JAZF1: variants seen among roughly 807,000 people sequenced by gnomAD.
JAZF1 encodes the protein JAZF zinc finger 1.
Under a neutral mutation model 26.4 loss-of-function variants are expected in JAZF1, and 8 were observed. The ratio of observed to expected loss-of-function variants is 0.30; its 90% CI spans 0.18 to 0.55. The LOEUF (loss-of-function observed/expected upper bound fraction) is 0.55. Among genes scored for constraint, JAZF1 ranks in the 20% least tolerant of loss-of-function variants. The probability of loss-of-function intolerance (pLI) is 0.94; values close to 1 mark genes in which losing one functional copy is unlikely to be tolerated. For missense variants in JAZF1, 199 were observed against 322.0 expected (o/e 0.62, Z 2.92); for synonymous variants, 126 against 122.3 (o/e 1.03, Z -0.20).
intron 1 of JAZF1, among the ~76,000 whole-genome samples, chr7:28,064,553 C>G (rs913580059): frequency 6.6e-6 from 1 of 152,046 alleles, no homozygotes; most frequent in African/African-American, 2.4e-5. Context: ...AAACTAATAT[C>G]AATATAATGA....
At chr7:27,911,986 T>G (rs1165072175) in intron 2 of JAZF1, among the ~76,000 whole-genome samples, 1 of 152,238 alleles carries the variant, frequency 6.6e-6, no homozygotes, top group Non-Finnish European at 1.5e-5. Flanking sequence ...TACATTTATT[T>G]ATTTGAGTGT....
chr7:28,113,126 C>T (rs1480052171), intron 1 of JAZF1, among the ~76,000 whole-genome samples: 3 of 152,176 alleles, frequency 2.0e-5, no homozygotes, highest in African/African-American at 7.2e-5. Flanking sequence ...GTGCAACATC[C>T]AGGTTCGTTC....
chr7:27,988,020 A>T (rs1785769248), intron 2 of JAZF1, among the ~76,000 whole-genome samples: 3 of 152,090 alleles, frequency 2.0e-5, no homozygotes, highest in African/African-American at 4.8e-5. Context: ...ACCACTCCCT[A>T]ATCTCAAGTA....
intron 1 of JAZF1, among the ~76,000 whole-genome samples, chr7:28,137,629 T>G (rs965486675): frequency 1.3e-5 from 2 of 152,196 alleles, no homozygotes; most frequent in African/African-American, 4.8e-5. Context: ...TACGTATCCC[T>G]GGGATATAGA....
intron 3 of JAZF1, among the ~76,000 whole-genome samples, chr7:27,869,859 G>A (rs954412558): frequency 3.3e-5 from 5 of 152,028 alleles, no homozygotes; most frequent in Non-Finnish European, 7.4e-5. Context: ...TTTCTGTGTC[G>A]TATTTTCCTA....
At chr7:28,024,055 G>A (rs532397941) in intron 1 of JAZF1, among the ~76,000 whole-genome samples, 1 of 152,158 alleles carries the variant, frequency 6.6e-6, no homozygotes, top group South Asian at 2.1e-4. Context: ...GGAGGCCAAG[G>A]TGGGAGGATT....
chr7:27,979,069 C>T (rs776190743), intron 2 of JAZF1, among the ~76,000 whole-genome samples: 7 of 151,990 alleles, frequency 4.6e-5, no homozygotes, highest in Admixed American at 4.6e-4. Context: ...TTTTAGAGGT[C>T]GAGCCTACCA....
At chr7:27,941,761 C>G (rs1178756148) in intron 2 of JAZF1, among the ~76,000 whole-genome samples, 1 of 152,130 alleles carries the variant, frequency 6.6e-6, no homozygotes, top group Non-Finnish European at 1.5e-5. Context: ...CTTAGGACAA[C>G]AGGAGGGCAA....
intron 1 of JAZF1, among the ~76,000 whole-genome samples, chr7:28,082,924 A>C (rs962454301): frequency 1.3e-5 from 2 of 152,190 alleles, no homozygotes; most frequent in Admixed American, 1.3e-4. Context: ...GCCTTCCTTC[A>C]GTCTGTGAGA....
chr7:27,914,774 G>C (rs763956649), intron 2 of JAZF1: 2 of 470,984 alleles, frequency 4.2e-6, no homozygotes, highest in African/African-American at 4.0e-5. Context: ...ACAGTAGATC[G>C]GTTCAGCCTT....
At chr7:27,911,008 C>T (rs1784351978) in intron 2 of JAZF1, among the ~76,000 whole-genome samples, 1 of 152,168 alleles carries the variant, frequency 6.6e-6, no homozygotes, top group South Asian at 2.1e-4. Flanking sequence ...AAAATAATTC[C>T]AACCAACTAG....
chr7:28,120,844 C>T (rs934406356), intron 1 of JAZF1, among the ~76,000 whole-genome samples: 1 of 151,954 alleles, frequency 6.6e-6, no homozygotes, highest in African/African-American at 2.4e-5. Context: ...TAAACTAAAC[C>T]CTAAGCCCAG....
chr7:28,029,787 G>A (rs915299254), intron 1 of JAZF1, among the ~76,000 whole-genome samples: 4 of 152,172 alleles, frequency 2.6e-5, no homozygotes, highest in African/African-American at 7.2e-5. Context: ...TTGCTGACAA[G>A]GTGAAGAACT....
chr7:28,149,672 G>C (rs1407830005), intron 1 of JAZF1, among the ~76,000 whole-genome samples: 1 of 152,178 alleles, frequency 6.6e-6, no homozygotes, highest in Non-Finnish European at 1.5e-5. Context: ...AGCACACATT[G>C]ATCTTCAATT....
intron 1 of JAZF1, among the ~76,000 whole-genome samples, chr7:28,016,906 T>C (rs984419711): frequency 6.6e-6 from 1 of 152,234 alleles, no homozygotes; most frequent in African/African-American, 2.4e-5. Flanking sequence ...GGATTTACAT[T>C]CTGGGAAGGA....
intron 1 of JAZF1, among the ~76,000 whole-genome samples, chr7:28,094,325 T>C (rs368620754): frequency 6.6e-6 from 1 of 152,290 alleles, no homozygotes; most frequent in African/African-American, 2.4e-5. Context: ...AGAGGCTACA[T>C]TGCCAGCCTG....
chr7:28,089,630 T>C (rs1784263009), intron 1 of JAZF1, among the ~76,000 whole-genome samples: 1 of 152,162 alleles, frequency 6.6e-6, no homozygotes, highest in Admixed American at 6.5e-5. Context: ...AGGAGAGATA[T>C]ATAGAAAGTT....
chr7:27,924,349 T>C (rs1223381857), intron 2 of JAZF1, among the ~76,000 whole-genome samples: 2 of 152,214 alleles, frequency 1.3e-5, no homozygotes, highest in Admixed American at 6.5e-5. Context: ...GTGCTGCGAT[T>C]ACAGGCGTGA....
chr7:28,078,477 G>A (rs1784088196), intron 1 of JAZF1, among the ~76,000 whole-genome samples: 1 of 152,124 alleles, frequency 6.6e-6, no homozygotes, highest in Admixed American at 6.5e-5. Context: ...CTGCCCTCTT[G>A]CGGTAGGCAG....
Sources: allele counts gnomAD v4.1 joint callset (sites outside exome capture counted in the v4.1 genomes callset), GRCh38; gene constraint gnomAD v4.1.1; transcripts MANE v1.5; gene names NCBI Gene and HGNC (gene_info 2026-07-23, HGNC 2026-07-21).